Variants in LOC728743 observed in about 807,000 individuals in gnomAD.
chr7:150,411,516 A>G, the LOC728743 span: 1 of 152,554 alleles, frequency 6.6e-6, no homozygotes, highest in Non-Finnish European at 1.5e-5. Context: ...CTGCCTCCCC[A>G]GAATGAACAT....
At chr7:150,402,460 G>A in the LOC728743 span, among the ~76,000 whole-genome samples, 5 of 152,174 alleles carry the variant, frequency 3.3e-5, no homozygotes, top group African/African-American at 1.2e-4. Flanking sequence ...TTCTCTCTGC[G>A]CCGCCTGAGC....
At chr7:150,410,007 G>A in the LOC728743 span, among the ~76,000 whole-genome samples, 3 of 152,196 alleles carry the variant, frequency 2.0e-5, no homozygotes, top group African/African-American at 4.8e-5. Flanking sequence ...AATCCTTGCA[G>A]TGCTTGGTAG....
At chr7:150,411,780 A>T in the LOC728743 span, 1 of 152,330 alleles carries the variant, frequency 6.6e-6, no homozygotes, top group African/African-American at 2.4e-5. Flanking sequence ...ACCTCCACAC[A>T]CGCCCCTTTT....
chr7:150,405,938 A>C, the LOC728743 span: 1 of 151,648 alleles, frequency 6.6e-6, no homozygotes, highest in South Asian at 2.1e-4. Flanking sequence ...AACTTGGGGG[A>C]GAGACGGGGG....
At chr7:150,405,518 G>A in the LOC728743 span, 1 of 144,374 alleles carries the variant, frequency 6.9e-6, no homozygotes, top group South Asian at 2.4e-4. Context: ...GGGGGGCGCT[G>A]CGGCCGTGGG....
At chr7:150,408,704 C>T in the LOC728743 span, among the ~76,000 whole-genome samples, 1 of 152,234 alleles carries the variant, frequency 6.6e-6, no homozygotes, top group African/African-American at 2.4e-5. Context: ...CCAACCTCAG[C>T]CCCTAGGCCT....
the LOC728743 span, chr7:150,407,908 C>T: frequency 4.8e-6 from 2 of 414,882 alleles, no homozygotes; most frequent in Non-Finnish European, 8.6e-6. Context: ...TCCCCTGCCC[C>T]GAGTGCGGCC....
At chr7:150,410,012 T>A in the LOC728743 span, 1 of 396,158 alleles carries the variant, frequency 2.5e-6, no homozygotes, top group African/African-American at 2.1e-5. Context: ...TTGCAGTGCT[T>A]GGTAGGGGAC....
the LOC728743 span, chr7:150,405,212 G>A: frequency 3.9e-5 from 6 of 152,206 alleles, no homozygotes; most frequent in African/African-American, 1.4e-4. Context: ...CAGCCGGGCT[G>A]CCGGAGAGTT....
At chr7:150,407,612 A>G in the LOC728743 span, 6 of 398,700 alleles carry the variant, frequency 1.5e-5, no homozygotes, top group Admixed American at 8.8e-5. Flanking sequence ...GGAAGTGCCC[A>G]TGACCGAGCT....
chr7:150,406,953 G>T, the LOC728743 span, among the ~76,000 whole-genome samples: 1 of 152,004 alleles, frequency 6.6e-6, no homozygotes, highest in Non-Finnish European at 1.5e-5. Context: ...ACAGGGTTGT[G>T]TTTTTTTTCC....
At chr7:150,408,262 C>T in the LOC728743 span, 2 of 381,860 alleles carry the variant, frequency 5.2e-6, no homozygotes, top group Admixed American at 4.5e-5. Context: ...CTTCCCGCCC[C>T]GCACGTGCGT....
the LOC728743 span, chr7:150,407,878 G>C: frequency 1.9e-5 from 8 of 423,648 alleles, no homozygotes; most frequent in Middle Eastern, 3.2e-4. Flanking sequence ...ACCAGCGCAC[G>C]CACACCGGGG....
At chr7:150,401,611 GACTCCCTT>G in the LOC728743 span, among the ~76,000 whole-genome samples, 1 of 152,202 alleles carries the variant, frequency 6.6e-6, no homozygotes, top group Non-Finnish European at 1.5e-5. Flanking sequence ...GAAATGAATG[GACTCCCTT>G]AAGTTATCCC....
chr7:150,408,153 T>C, the LOC728743 span: 1 of 391,096 alleles, frequency 2.6e-6, no homozygotes, highest in East Asian at 3.7e-5. Context: ...GAGGGCTCGC[T>C]CAAGACCCAT....
chr7:150,408,243 C>A, the LOC728743 span: 1 of 387,540 alleles, frequency 2.6e-6, no homozygotes, highest in South Asian at 1.3e-4. Flanking sequence ...GGCCTGCTGC[C>A]GACGGCTGCT....
chr7:150,409,536 TGGTACTTAGG>T, the LOC728743 span, among the ~76,000 whole-genome samples: 1 of 152,236 alleles, frequency 6.6e-6, no homozygotes, highest in Non-Finnish European at 1.5e-5. Context: ...ACACCACAGT[TGGTACTTAGG>T]GGTACAACAG....
At chr7:150,406,143 G>A in the LOC728743 span, among the ~76,000 whole-genome samples, 1 of 152,280 alleles carries the variant, frequency 6.6e-6, no homozygotes. Flanking sequence ...CCTTCCCCAG[G>A]GTCAGTTCCA....
the LOC728743 span, chr7:150,410,278 C>A: frequency 2.5e-6 from 1 of 398,546 alleles, no homozygotes; most frequent in South Asian, 1.3e-4. Context: ...AGGACACATC[C>A]AGTAAGAAGA....
Sources: gnomAD v4.1 joint callset for allele counts (sites outside exome capture counted in the v4.1 genomes callset) on GRCh38, gnomAD v4.1.1 for gene constraint, MANE v1.5 for transcripts.